The following NREP variants were observed in gnomAD, a reference collection of about 807,000 sequenced individuals.
NREP encodes the protein neuronal regeneration related protein.
In NREP, 5 loss-of-function variants were observed where a neutral mutation model predicts 8.6. The observed-to-expected ratio is 0.58, with a 90% confidence interval of 0.30 to 1.22. The LOEUF is 1.22. Among genes scored for constraint, NREP ranks in the 50% most tolerant of loss-of-function variants. NREP has a pLI of 0.07. For missense variants in NREP, 86 were observed against 82.5 expected (o/e 1.04, Z -0.17); for synonymous variants, 27 against 28.0 (o/e 0.96, Z 0.11).
At chr5:111,757,354 A>T, upstream of NREP, 1 of 899,134 alleles carries the variant, frequency 1.1e-6, no homozygotes, top group Non-Finnish European at 1.3e-6. Context: ...CCTTGGAAAA[A>T]GGAGGAGGAG....
At position 111,937,517 on chromosome 5, in the gene NREP, C is replaced by T. The variant is rs186124202; in HGVS notation, c.135+37757G>A. 2.6e-5 allele frequency among the ~76,000 whole-genome samples: 4 copies of T among 152,198 alleles called. No individual in the cohort carries two copies. The East Asian group carries it at 7.8e-4, about 30-fold the overall frequency. On this transcript the variant is annotated intron_variant, in intron 2 of 3. Transcript: ENST00000395634. ...CTCTCTTCCCTGAACTTGCAGCTAT[C>T]TAACTGCATACAGAGAAAAGGAGCA...
chr5:111,884,400 G>A (rs1436696138), intron 2 of NREP, among the ~76,000 whole-genome samples: 3 of 151,930 alleles, frequency 2.0e-5, no homozygotes, highest in Non-Finnish European at 4.4e-5. Flanking sequence ...GAGGTACAAG[G>A]AGGAACTGGT....
chr5:111,754,713 T>C (rs1750594506), intron 2 of NREP, among the ~76,000 whole-genome samples: 1 of 152,202 alleles, frequency 6.6e-6, no homozygotes. Context: ...TGACACCCAC[T>C]TGTTGAAATG....
chr5:111,958,057 T>C (rs1449534119), intron 2 of NREP, among the ~76,000 whole-genome samples: 1 of 151,854 alleles, frequency 6.6e-6, no homozygotes, highest in East Asian at 1.9e-4. Flanking sequence ...AAACACCTTA[T>C]GAAATAACAA....
intron 2 of NREP, among the ~76,000 whole-genome samples, chr5:111,770,433 T>C (rs1751189484): frequency 6.6e-6 from 1 of 152,160 alleles, no homozygotes; most frequent in African/African-American, 2.4e-5. Flanking sequence ...AAATTAGTTT[T>C]CCTAATCCTT....
intron 2 of NREP, among the ~76,000 whole-genome samples, chr5:111,838,746 T>C (rs1752955763): frequency 6.6e-6 from 1 of 152,076 alleles, no homozygotes; most frequent in African/African-American, 2.4e-5. Flanking sequence ...TATATAAATT[T>C]ATAAGACATA....
intron 3 of NREP, chr5:111,734,707 A>T (rs1444326527): frequency 1.4e-6 from 1 of 700,668 alleles, no homozygotes; most frequent in Non-Finnish European, 2.6e-6. Context: ...TCAAATAGAA[A>T]TTTTATTTTC....
At chr5:111,894,063 T>TA (rs962114569) in intron 2 of NREP, among the ~76,000 whole-genome samples, 7 of 151,458 alleles carry the variant, frequency 4.6e-5, no homozygotes, top group African/African-American at 1.7e-4. Flanking sequence ...ACTAAAAATA[T>TA]AAAAAATTAG....
At chr5:111,941,375 T>C (rs1308153468) in intron 2 of NREP, among the ~76,000 whole-genome samples, 1 of 152,094 alleles carries the variant, frequency 6.6e-6, no homozygotes, top group Non-Finnish European at 1.5e-5. Flanking sequence ...TTTCTTATAG[T>C]TCTGGAGGCT....
chr5:111,915,065 T>G (rs1029806423), intron 2 of NREP, among the ~76,000 whole-genome samples: 10 of 152,122 alleles, frequency 6.6e-5, no homozygotes, highest in Non-Finnish European at 1.3e-4. Context: ...CTGTGTGTCT[T>G]TGTGCTTGTT....
intron 2 of NREP, among the ~76,000 whole-genome samples, chr5:111,962,525 A>C (rs1756508225): frequency 6.6e-6 from 1 of 152,180 alleles, no homozygotes; most frequent in African/African-American, 2.4e-5. Flanking sequence ...TAGATGTAGG[A>C]GGCAGAGAAA....
chr5:111,858,860 CAAG>C (rs1753484208), intron 2 of NREP, among the ~76,000 whole-genome samples: 1 of 152,062 alleles, frequency 6.6e-6, no homozygotes, highest in African/African-American at 2.4e-5. Context: ...CAACCACCAA[CAAG>C]AATACATAAA....
intron 2 of NREP, among the ~76,000 whole-genome samples, chr5:111,912,104 A>C (rs1451339104): frequency 6.6e-6 from 1 of 152,076 alleles, no homozygotes; most frequent in Non-Finnish European, 1.5e-5. Context: ...TAGAATATCT[A>C]ATATTTAAAT....
At chr5:111,948,721 G>A (rs533826907) in intron 2 of NREP, 2 of 152,168 alleles carry the variant, frequency 1.3e-5, no homozygotes, top group African/African-American at 4.8e-5. Context: ...GCATAGAACA[G>A]CTCACTGTAA....
chr5:111,958,532 C>T (rs1756391283), intron 2 of NREP, among the ~76,000 whole-genome samples: 1 of 151,832 alleles, frequency 6.6e-6, no homozygotes, highest in South Asian at 2.1e-4. Context: ...TATTTTTACA[C>T]TTAATAGCCA....
intron 2 of NREP, among the ~76,000 whole-genome samples, chr5:111,898,857 C>T (rs1395688134): frequency 1.3e-5 from 2 of 152,026 alleles, no homozygotes; most frequent in East Asian, 3.8e-4. Context: ...ATTGTTAACT[C>T]ACTTATAATG....
intron 2 of NREP, among the ~76,000 whole-genome samples, chr5:111,972,728 G>C (rs1756856395): frequency 6.6e-6 from 1 of 152,046 alleles, no homozygotes; most frequent in African/African-American, 2.4e-5. Flanking sequence ...CTAGACCCGA[G>C]TCTTGACCCC....
rs1420497838 is a variant in NREP, at chr5:111,730,079, G to C, written c.*842C>G. ...GCAGGCGAGGCTACGGAAAGGAAGA[G>C]ATTTGGTAAGTAAATTACAGTTTTG... On this transcript the variant is annotated 3_prime_UTR_variant, in exon 4 of 4. Transcript: ENST00000257435. 1 of 152,508 alleles carries C rather than the reference G, an allele frequency of 6.6e-6. No homozygotes were observed. Among genetic ancestry groups the C allele is most frequent in the African/African-American group, 2.4e-5 (1 of 41,382 alleles). 9.4% of individuals were successfully genotyped at this position (152,508 alleles called of 1,614,324 possible).
intron 2 of NREP, among the ~76,000 whole-genome samples, chr5:111,750,480 T>A (rs991736307): frequency 2.0e-5 from 3 of 152,148 alleles, no homozygotes; most frequent in Non-Finnish European, 1.5e-5. Context: ...AGTGTCAAGG[T>A]TGATTAGCAA....
Sources: gnomAD v4.1 joint callset for allele counts (sites outside exome capture counted in the v4.1 genomes callset) on GRCh38, gnomAD v4.1.1 for gene constraint, MANE v1.5 for transcripts, NCBI Gene and HGNC (gene_info 2026-07-23, HGNC 2026-07-21) for gene names.